The following IMMP2L variants were observed in gnomAD, a reference collection of about 807,000 sequenced individuals.
IMMP2L encodes the protein inner mitochondrial membrane peptidase subunit 2.
A neutral mutation model predicts 19.3 loss-of-function variants in IMMP2L; 18 were observed. The observed-to-expected ratio is 0.93, with a 90% CI of 0.64 to 1.38. The LOEUF (loss-of-function observed/expected upper bound fraction) is 1.38. Ranked by LOEUF, IMMP2L falls within the 40% of genes most tolerant of loss-of-function variation. The pLI is 0.00. For synonymous variants in IMMP2L, 76 were observed against 73.0 expected, an observed-to-expected ratio of 1.04 and a Z score of -0.21; for missense variants, 233 against 218.2, an observed-to-expected ratio of 1.07 and a Z score of -0.43.
At chr7:111,274,559 C>A (rs2130406934) in intron 3 of IMMP2L, among the ~76,000 whole-genome samples, 1 of 152,280 alleles carries the variant, frequency 6.6e-6, no homozygotes, top group South Asian at 2.1e-4. Flanking sequence ...AAGCAAGACA[C>A]ATAGCAGGTT....
At chr7:111,228,718 G>A (rs1296940407) in intron 3 of IMMP2L, among the ~76,000 whole-genome samples, 2 of 151,934 alleles carry the variant, frequency 1.3e-5, no homozygotes, top group African/African-American at 4.8e-5. Context: ...TGTCAAAAAT[G>A]CATAAATATT....
intron 5 of IMMP2L, among the ~76,000 whole-genome samples, chr7:110,732,843 T>C (rs183850207): frequency 1.2e-3 from 180 of 151,908 alleles, no homozygotes; most frequent in African/African-American, 4.2e-3. Flanking sequence ...TGGGGTGTAG[T>C]GGCATGTTCA....
chr7:111,183,635 T>A (rs1807956049), intron 3 of IMMP2L, among the ~76,000 whole-genome samples: 1 of 152,002 alleles, frequency 6.6e-6, no homozygotes, highest in Non-Finnish European at 1.5e-5. Flanking sequence ...CAGTCAGAAG[T>A]TGGGTTGGCA....
At chr7:111,436,739 A>T (rs1837209353) in intron 3 of IMMP2L, among the ~76,000 whole-genome samples, 1 of 151,902 alleles carries the variant, frequency 6.6e-6, no homozygotes, top group South Asian at 2.1e-4. Flanking sequence ...ATAAAGCAAT[A>T]CCTCAGACTG....
intron 3 of IMMP2L, among the ~76,000 whole-genome samples, chr7:111,383,770 T>C (rs1314932396): frequency 1.3e-5 from 2 of 152,064 alleles, no homozygotes; most frequent in Non-Finnish European, 2.9e-5. Flanking sequence ...TTCTGCCTCT[T>C]TCTTTTTCAT....
At chr7:111,282,608 CA>C (rs1820020427) in intron 3 of IMMP2L, among the ~76,000 whole-genome samples, 1 of 151,366 alleles carries the variant, frequency 6.6e-6, no homozygotes, top group East Asian at 1.9e-4. Context: ...CTTTTTAAGA[CA>C]GGGTCTCTCT....
chr7:111,543,882 C>A (rs955286043), intron 1 of IMMP2L, among the ~76,000 whole-genome samples: 8 of 152,132 alleles, frequency 5.3e-5, no homozygotes, highest in Non-Finnish European at 8.8e-5. Flanking sequence ...TTTTTCCGCA[C>A]ATCTCCTAGC....
intron 3 of IMMP2L, among the ~76,000 whole-genome samples, chr7:111,136,532 C>T (rs1242308066): frequency 6.6e-6 from 1 of 152,176 alleles, no homozygotes; most frequent in African/African-American, 2.4e-5. Context: ...ACTGAAGAAA[C>T]CCATGTCCTT....
intron 3 of IMMP2L, among the ~76,000 whole-genome samples, chr7:110,999,103 C>A (rs1455702777): frequency 6.6e-6 from 1 of 152,014 alleles, no homozygotes; most frequent in Admixed American, 6.6e-5. Context: ...CTGTGCTGCC[C>A]CCATGTAAAT....
intron 3 of IMMP2L, among the ~76,000 whole-genome samples, chr7:111,397,864 T>G (rs1169293626): frequency 1.3e-5 from 2 of 152,110 alleles, no homozygotes; most frequent in Non-Finnish European, 2.9e-5. Flanking sequence ...GACTTTCATT[T>G]TGCATAATCA....
chr7:110,681,632 T>C (rs925478299), intron 5 of IMMP2L, among the ~76,000 whole-genome samples: 1 of 152,154 alleles, frequency 6.6e-6, no homozygotes, highest in Non-Finnish European at 1.5e-5. Flanking sequence ...ACAACAGATA[T>C]GCAAAGGCCT....
At chr7:111,428,452 A>G (rs960433374) in intron 3 of IMMP2L, among the ~76,000 whole-genome samples, 2 of 151,826 alleles carry the variant, frequency 1.3e-5, no homozygotes, top group African/African-American at 4.9e-5. Context: ...TAAAACCTTT[A>G]CAAGATGCTT....
At chr7:110,696,022 A>C (rs1793851064) in intron 5 of IMMP2L, among the ~76,000 whole-genome samples, 1 of 152,164 alleles carries the variant, frequency 6.6e-6, no homozygotes, top group Admixed American at 6.5e-5. Flanking sequence ...AGAAAGAGAA[A>C]CCACTTTTCA....
At chr7:111,201,742 G>C (rs1413755668) in intron 3 of IMMP2L, among the ~76,000 whole-genome samples, 3 of 151,672 alleles carry the variant, frequency 2.0e-5, no homozygotes, top group Admixed American at 1.3e-4. Context: ...AAAAAAAAGA[G>C]AGATGAGGTT....
intron 5 of IMMP2L, among the ~76,000 whole-genome samples, chr7:110,688,912 T>G (rs1584507256): frequency 6.6e-6 from 1 of 152,124 alleles, no homozygotes; most frequent in Non-Finnish European, 1.5e-5. Context: ...TTTTTTTCTA[T>G]CAAAAAGAGG....
intron 5 of IMMP2L, among the ~76,000 whole-genome samples, chr7:110,805,419 A>G (rs1029349040): frequency 6.6e-6 from 1 of 152,090 alleles, no homozygotes; most frequent in Non-Finnish European, 1.5e-5. Context: ...ATGAACGAAT[A>G]ATACAATCTC....
At chr7:111,361,706 C>A (rs1829276913) in intron 3 of IMMP2L, among the ~76,000 whole-genome samples, 1 of 152,044 alleles carries the variant, frequency 6.6e-6, no homozygotes, top group African/African-American at 2.4e-5. Flanking sequence ...AGAGAGCTGT[C>A]CAGGCCACTC....
At chr7:111,026,343 C>T (rs973639296) in intron 3 of IMMP2L, among the ~76,000 whole-genome samples, 7 of 151,962 alleles carry the variant, frequency 4.6e-5, no homozygotes, top group African/African-American at 9.7e-5. Flanking sequence ...TCTAAGATGG[C>T]GTGTCACAGA....
intron 3 of IMMP2L, among the ~76,000 whole-genome samples, chr7:111,170,742 TTC>T (rs1340901664): frequency 1.3e-5 from 2 of 151,824 alleles, no homozygotes; most frequent in African/African-American, 2.4e-5. Context: ...CTTGAAAAGA[TTC>T]TTTTTTAAAT....
Sources: gnomAD v4.1 joint callset for allele counts (sites outside exome capture counted in the v4.1 genomes callset) on GRCh38, gnomAD v4.1.1 for gene constraint, MANE v1.5 for transcripts, NCBI Gene and HGNC (gene_info 2026-07-23, HGNC 2026-07-21) for gene names.